Variants in ACTL8 observed in about 807,000 individuals in gnomAD.
ACTL8 encodes the protein actin-like protein 8.
Under a neutral mutation model 9.3 loss-of-function variants are expected in ACTL8, and 3 were observed. The ratio of observed to expected loss-of-function variants is 0.32; its 90% CI spans 0.15 to 0.83. The LOEUF is 0.83. Among genes scored for constraint, ACTL8 ranks in the 40% least tolerant of loss-of-function variants. ACTL8 has a pLI of 0.57. For synonymous variants in ACTL8, 224 were observed against 205.9 expected (o/e 1.09, Z -0.75); for missense variants, 381 against 492.2 (o/e 0.77, Z 2.14).
At chr1:17,771,630 C>T (rs756395442) in intron 1 of ACTL8, among the ~76,000 whole-genome samples, 11 of 152,166 alleles carry the variant, frequency 7.2e-5, no homozygotes, top group South Asian at 6.2e-4. Context: ...CCTCCAGGCC[C>T]GATTGGCAGA....
chr1:17,801,475 A>G (rs1449163325), intron 1 of ACTL8, among the ~76,000 whole-genome samples: 1 of 152,146 alleles, frequency 6.6e-6, no homozygotes, highest in Non-Finnish European at 1.5e-5. Context: ...TTGGCATTCC[A>G]TTGTAAGTCT....
intron 1 of ACTL8, among the ~76,000 whole-genome samples, chr1:17,812,484 C>A (rs1458995925): frequency 7.2e-6 from 1 of 138,476 alleles, no homozygotes; most frequent in Admixed American, 8.1e-5. Flanking sequence ...GGGTGGAGTG[C>A]AATGGCGCAA....
chr1:17,777,993 T>C (rs1056662335), intron 1 of ACTL8, among the ~76,000 whole-genome samples: 2 of 152,230 alleles, frequency 1.3e-5, no homozygotes, highest in Admixed American at 6.5e-5. Context: ...CCACCGTTCC[T>C]AGCCCCGCCG....
At chr1:17,792,954 C>A (rs548376227) in intron 1 of ACTL8, among the ~76,000 whole-genome samples, 63 of 152,250 alleles carry the variant, frequency 4.1e-4, no homozygotes, top group African/African-American at 1.4e-3. Context: ...GACAGGACCA[C>A]CATCAGGTTC....
rs539913842 is a variant in ACTL8, at chr1:17,816,772, G to T, written c.-24-6213G>T. 1.4e-4 allele frequency among the ~76,000 whole-genome samples: 22 copies of T among 152,206 alleles called. No homozygotes were observed. In the South Asian group the frequency reaches 4.6e-3, roughly 32 times the overall value. ...CTGTGCCCGTTCATATATAGAATCT[G>T]GGGAATCCTTTCTCTGACTGGCTCC... On this transcript the variant is annotated intron_variant, in intron 1 of 2. Coordinates refer to ENST00000375406, the MANE Select transcript of ACTL8 (RefSeq NM_030812.3).
intron 1 of ACTL8, among the ~76,000 whole-genome samples, chr1:17,789,441 T>C (rs947017295): frequency 2.0e-5 from 3 of 152,152 alleles, no homozygotes; most frequent in African/African-American, 7.2e-5. Flanking sequence ...TCTTCTAATT[T>C]GTAGTGATTT....
At chr1:17,774,375 A>G (rs888514315) in intron 1 of ACTL8, among the ~76,000 whole-genome samples, 6 of 151,900 alleles carry the variant, frequency 3.9e-5, no homozygotes, top group Non-Finnish European at 8.8e-5. Context: ...CCAGGCACAT[A>G]GTAGGTGCTC....
At chr1:17,801,867 A>G (rs888397945) in intron 1 of ACTL8, among the ~76,000 whole-genome samples, 5 of 152,362 alleles carry the variant, frequency 3.3e-5, no homozygotes, top group East Asian at 1.9e-4. Context: ...TTCGGTGTCC[A>G]TCTAGTTACC....
intron 1 of ACTL8, among the ~76,000 whole-genome samples, chr1:17,817,444 G>A (rs2066433839): frequency 6.6e-6 from 1 of 152,018 alleles, no homozygotes; most frequent in South Asian, 2.1e-4. Flanking sequence ...TAAATCCAAT[G>A]GATAGTCCTT....
rs115634424 is a variant in ACTL8, at chr1:17,758,454, C to A, written c.-25+2950C>A. Among the ~76,000 whole-genome samples the A allele has an allele frequency of 7.9e-3, 1,200 of 152,322 alleles. 19 individuals are homozygous for A. Among genetic ancestry groups the A allele is most frequent in the African/African-American group, 0.027 (1,141 of 41,564 alleles). ...CTGGCAATTGATAGTCATGGCTTCT[C>A]ATTCAGTTTCCAGACCCTAAGTCAA... is the stretch of plus-strand genomic sequence containing the variant. On this transcript the variant is annotated intron_variant, in intron 1 of 2. Transcript: ENST00000375406.
In ACTL8 at chr1:17,780,232, A is replaced by T. The variant is rs530412011; in HGVS notation, c.-25+24728A>T. ...TTGAAAAAAAACCCCAAAAACAAAA[A>T]ACCCTCTGGTTTAGTGACCGGCTTG... On this transcript the variant is annotated intron_variant, in intron 1 of 2. Coordinates refer to ENST00000375406, the MANE Select transcript of ACTL8 (RefSeq NM_030812.3). Among the ~76,000 whole-genome samples the T allele has an allele frequency of 4.6e-5, 7 of 152,134 alleles. No homozygotes were observed. In the South Asian group the frequency reaches 1.5e-3, roughly 32 times the overall value.
rs182023397 is a variant in ACTL8, at chr1:17,762,136, G to A, written c.-25+6632G>A. 2.2e-3 allele frequency among the ~76,000 whole-genome samples: 333 copies of A among 152,208 alleles called. 7 individuals carry two copies. Among genetic ancestry groups the A allele is most frequent in the Non-Finnish European group, 3.7e-4 (25 of 68,028 alleles). On this transcript the variant is annotated intron_variant, in intron 1 of 2. Transcript: ENST00000375406. The stretch of plus-strand genomic sequence containing the variant: ...GGTAGCTGGGGAGAGCCGTGAGATG[G>A]TTGGTGCTGGAAATTCTGCCTGGAG...
intron 1 of ACTL8, among the ~76,000 whole-genome samples, chr1:17,761,527 A>G (rs1333512830): frequency 6.6e-6 from 1 of 151,776 alleles, no homozygotes; most frequent in Non-Finnish European, 1.5e-5. Context: ...TTAATTACCG[A>G]AGGAACACGG....
chr1:17,783,517 T>C (rs181197305), intron 1 of ACTL8, among the ~76,000 whole-genome samples: 1 of 152,314 alleles, frequency 6.6e-6, no homozygotes, highest in Admixed American at 6.5e-5. Flanking sequence ...GATTACTTAA[T>C]ACTTGTGTTC....
chr1:17,800,913 A>G (rs2066317604), intron 1 of ACTL8, among the ~76,000 whole-genome samples: 1 of 152,062 alleles, frequency 6.6e-6, no homozygotes, highest in South Asian at 2.1e-4. Flanking sequence ...CAATCTTAAG[A>G]GAAATAAGGT....
intron 1 of ACTL8, among the ~76,000 whole-genome samples, chr1:17,809,061 A>C (rs986456265): frequency 3.9e-5 from 6 of 152,214 alleles, no homozygotes; most frequent in Middle Eastern, 3.2e-3. Context: ...TGGAGCTATC[A>C]TGCCGCCAGC....
At chr1:17,785,508 G>A (rs570290304) in intron 1 of ACTL8, among the ~76,000 whole-genome samples, 1 of 152,326 alleles carries the variant, frequency 6.6e-6, no homozygotes, top group East Asian at 1.9e-4. Context: ...ATGAGCAAAT[G>A]CAGGTAAATT....
At chr1:17,755,587 C>T (rs1483287839) in intron 1 of ACTL8, 83 bp downstream of exon 1, 1 of 144,336 alleles carries the variant, frequency 6.9e-6, no homozygotes, top group Non-Finnish European at 1.5e-5. Context: ...CTTCCTGTGG[C>T]ACAGCCATGC....
At chr1:17,780,271 G>A (rs1413456906) in intron 1 of ACTL8, among the ~76,000 whole-genome samples, 3 of 152,152 alleles carry the variant, frequency 2.0e-5, no homozygotes, top group Admixed American at 6.5e-5. Flanking sequence ...CAAAGAAGTG[G>A]CATTAGCCTG....
Sources: gnomAD v4.1 joint callset for allele counts (sites outside exome capture counted in the v4.1 genomes callset) on GRCh38, gnomAD v4.1.1 for gene constraint, MANE v1.5 for transcripts, NCBI Gene and HGNC (gene_info 2026-07-23, HGNC 2026-07-21) for gene names.